The following VWA8 variants were observed in gnomAD, a reference collection of about 807,000 sequenced individuals.
VWA8 encodes the protein von Willebrand factor A domain-containing protein 8.
VWA8 carries 221 observed loss-of-function variants against 241.5 expected under a neutral mutation model. That is an observed-to-expected ratio of 0.91 (90% confidence interval 0.82 to 1.02). The LOEUF (loss-of-function observed/expected upper bound fraction) is 1.02, where lower values mean the gene tolerates loss of function less well. Ranked by LOEUF, VWA8 falls within the 50% of genes least tolerant of loss-of-function variation. The pLI is 0.00. For synonymous variants in VWA8, 852 were observed against 827.1 expected, an observed-to-expected ratio of 1.03 and a Z score of -0.52; for missense variants, 2,322 against 2,328.7, an observed-to-expected ratio of 1.00 and a Z score of 0.06.
At chr13:41,573,513 CTCTA>C (rs909516708) in intron 43 of VWA8, among the ~76,000 whole-genome samples, 4 of 132,084 alleles carry the variant, frequency 3.0e-5, no homozygotes, top group South Asian at 2.4e-4. Context: ...ATATACCTCT[CTCTA>C]TATATACGTG....
At chr13:41,637,992 A>G (rs12866212) in intron 37 of VWA8, among the ~76,000 whole-genome samples, 2 of 152,108 alleles carry the variant, frequency 1.3e-5, no homozygotes, top group African/African-American at 4.8e-5. Flanking sequence ...AGATTCAAAC[A>G]CTCAAAATCT....
intron 16 of VWA8, among the ~76,000 whole-genome samples, chr13:41,813,900 T>C (rs1870577765): frequency 6.6e-6 from 1 of 151,928 alleles, no homozygotes; most frequent in Non-Finnish European, 1.5e-5. Context: ...AGGGGGGCGG[T>C]GAAGATATGA....
chr13:41,836,351 T>C (rs1871728833), intron 12 of VWA8, among the ~76,000 whole-genome samples: 1 of 152,196 alleles, frequency 6.6e-6, no homozygotes, highest in Non-Finnish European at 1.5e-5. Flanking sequence ...TGATGGATGT[T>C]AATTTTGAAA....
chr13:41,792,210 T>A (rs920258092), intron 17 of VWA8, among the ~76,000 whole-genome samples: 7 of 151,850 alleles, frequency 4.6e-5, no homozygotes, highest in African/African-American at 1.4e-4. Flanking sequence ...AATTTGTAGT[T>A]ACTTTATAGT....
intron 21 of VWA8, among the ~76,000 whole-genome samples, chr13:41,739,245 T>C (rs1167626843): frequency 1.3e-5 from 2 of 152,162 alleles, no homozygotes; most frequent in African/African-American, 4.8e-5. Flanking sequence ...TGAGATTAAA[T>C]ATCAAAAGAC....
intron 38 of VWA8, among the ~76,000 whole-genome samples, chr13:41,613,298 T>C (rs2044601399): frequency 6.6e-6 from 1 of 152,218 alleles, no homozygotes; most frequent in Non-Finnish European, 1.5e-5. Context: ...TATTTCACTT[T>C]TATTTAGAAA....
At chr13:41,867,668 A>G (rs1593829647) in intron 10 of VWA8, among the ~76,000 whole-genome samples, 1 of 152,340 alleles carries the variant, frequency 6.6e-6, no homozygotes, top group Non-Finnish European at 1.5e-5. Context: ...CAGTTCAATG[A>G]ATAAGTACAG....
At chr13:41,927,041 C>A in intron 2 of VWA8, 1 of 387,508 alleles carries the variant, frequency 2.6e-6, no homozygotes, top group Non-Finnish European at 5.0e-6. Context: ...GCACTTTGAG[C>A]TGCTTGTCAT....
intron 12 of VWA8, among the ~76,000 whole-genome samples, chr13:41,856,356 A>G (rs1872750017): frequency 6.6e-6 from 1 of 151,872 alleles, no homozygotes; most frequent in Admixed American, 6.6e-5. Context: ...AAACAAAACA[A>G]AACAAAATAT....
At chr13:41,739,830 TTTTTTTTTG>T (rs1229389890) in intron 21 of VWA8, among the ~76,000 whole-genome samples, 16 of 136,494 alleles carry the variant, frequency 1.2e-4, no homozygotes, top group African/African-American at 3.8e-4. Context: ...TTTTTTTGTT[TTTTTTTTTG>T]TTTTTTTTGT....
At chr13:41,632,119 CA>C (rs1349731818) in intron 37 of VWA8, among the ~76,000 whole-genome samples, 3 of 152,174 alleles carry the variant, frequency 2.0e-5, no homozygotes, top group African/African-American at 7.2e-5. Flanking sequence ...TTGACTACAG[CA>C]AATAGTATGC....
At chr13:41,836,331 T>G (rs1379157576) in intron 12 of VWA8, among the ~76,000 whole-genome samples, 1 of 152,176 alleles carries the variant, frequency 6.6e-6, no homozygotes, top group African/African-American at 2.4e-5. Context: ...TATCATACTT[T>G]CAAAGAAACT....
chr13:41,655,064 GA>G (rs1566403495), intron 37 of VWA8, among the ~76,000 whole-genome samples: 1 of 151,866 alleles, frequency 6.6e-6, no homozygotes, highest in East Asian at 1.9e-4. Context: ...TACGTTAGGA[GA>G]ATGCTCTTGT....
chr13:41,802,698 C>G (rs1308301485), intron 17 of VWA8, among the ~76,000 whole-genome samples: 4 of 152,196 alleles, frequency 2.6e-5, no homozygotes, highest in Non-Finnish European at 4.4e-5. Flanking sequence ...TCCCCAATTC[C>G]AGGACTTAGC....
chr13:41,694,298 T>G (rs1460292847), intron 29 of VWA8, among the ~76,000 whole-genome samples: 1 of 152,006 alleles, frequency 6.6e-6, no homozygotes, highest in Non-Finnish European at 1.5e-5. Context: ...AAATAGTATT[T>G]GCACCATATA....
At chr13:41,879,955 A>G (rs1874090731) in intron 9 of VWA8, among the ~76,000 whole-genome samples, 1 of 152,212 alleles carries the variant, frequency 6.6e-6, no homozygotes. Flanking sequence ...ACCATCTTTC[A>G]TATGGAGGAA....
Position 41,671,272 on chromosome 13 carries a change from G to T in VWA8, c.4410-125C>A. 12 of 1,030,162 alleles carry T rather than the reference G, an allele frequency of 1.2e-5. No individual in the cohort carries two copies. In the South Asian group the frequency reaches 1.8e-4, roughly 16 times the overall value. The allele number at this position is 1,030,162 out of a possible 1,614,324, so 63.8% of individuals were successfully genotyped here. ...TCACACTACTCATTATTTTATACCTGCTCTTACCTCTGTCACCACATAGGC... is the reference window on the plus strand; with the variant it reads ...TCACACTACTCATTATTTTATACCTTCTCTTACCTCTGTCACCACATAGGC... On this transcript the variant is annotated intron_variant, in intron 36 of 44. Coordinates refer to ENST00000379310, the MANE Select transcript of VWA8 (RefSeq NM_015058.2).
chr13:41,936,158 T>C (rs1207010908), intron 2 of VWA8, among the ~76,000 whole-genome samples: 2 of 152,194 alleles, frequency 1.3e-5, no homozygotes, highest in Non-Finnish European at 2.9e-5. Flanking sequence ...CCCAGCAATG[T>C]ATGAAAATGC....
chr13:41,760,719 C>T (rs947498439), intron 21 of VWA8, among the ~76,000 whole-genome samples: 2 of 151,892 alleles, frequency 1.3e-5, no homozygotes, highest in South Asian at 2.1e-4. Flanking sequence ...TAATAACATG[C>T]TTCTACCAGA....
Sources: allele counts gnomAD v4.1 joint callset (sites outside exome capture counted in the v4.1 genomes callset), GRCh38; gene constraint gnomAD v4.1.1; transcripts MANE v1.5; gene names NCBI Gene and HGNC (gene_info 2026-07-23, HGNC 2026-07-21).